The following DPYSL5 variants were observed in gnomAD, a reference collection of about 807,000 sequenced individuals.
DPYSL5 encodes dihydropyrimidinase like 5, also known as dihydropyrimidinase-related protein 5.
In DPYSL5, 9 loss-of-function variants were observed where a neutral mutation model predicts 58.4. That is an observed-to-expected ratio of 0.15 (90% CI 0.09 to 0.27). The LOEUF (loss-of-function observed/expected upper bound fraction) is 0.27, where lower values mean the gene tolerates loss of function less well. Ranked by LOEUF, DPYSL5 falls within the 10% of genes least tolerant of loss-of-function variation. DPYSL5 has a pLI of 1.00. For missense variants in DPYSL5, 499 were observed against 770.6 expected, an observed-to-expected ratio of 0.65 and a Z score of 4.17; for synonymous variants, 293 against 301.9, an observed-to-expected ratio of 0.97 and a Z score of 0.31.
chr2:26,898,674 A>G lies in DPYSL5; in HGVS notation c.175A>G (p.Ile59Val), dbSNP rs373590630. 6 of 1,614,024 alleles carry G rather than the reference A, an allele frequency of 3.7e-6. No individual in the cohort carries two copies. Among genetic ancestry groups the G allele is most frequent in the African/African-American group, 2.7e-5 (2 of 74,914 alleles). ...GATTGATGCCACAGGAAAACTGGTG[A>G]TCCCTGGTGGCATCGACACCAGCAC... ...KVIDATGKLV[I>V]PGGIDTSTHF... The change falls in exon 2 of 13, where the codon ATC (isoleucine) becomes GTC (valine). Residue 59 changes from isoleucine (I) to valine (V), a missense_variant. Coordinates refer to ENST00000288699, the MANE Select transcript of DPYSL5 (RefSeq NM_020134.4). The surrounding 1 kb of genome is among the most constrained non-coding windows in gnomAD (Gnocchi z 6.1).
intron 2 of DPYSL5, among the ~76,000 whole-genome samples, chr2:26,920,690 G>A (rs1046863473): frequency 7.2e-5 from 11 of 152,166 alleles, no homozygotes; most frequent in Non-Finnish European, 1.3e-4. Context: ...ACTTGAACTC[G>A]GGAGGCGGAG....
At chr2:26,904,952 CCCAGGGCCAGTTGGA>C (rs1664253385) in intron 2 of DPYSL5, among the ~76,000 whole-genome samples, 2 of 152,174 alleles carry the variant, frequency 1.3e-5, no homozygotes, top group Admixed American at 1.3e-4. Context: ...TAGCCCACAT[CCCAGGGCCAGTTGGA>C]CCAGAAGGCA....
chr2:26,921,325 C>G (rs913262123), intron 2 of DPYSL5, among the ~76,000 whole-genome samples: 1 of 152,194 alleles, frequency 6.6e-6, no homozygotes, highest in Non-Finnish European at 1.5e-5. Context: ...CATGGTGAAA[C>G]CCCGTCTCTA....
At chr2:26,940,270 G>A in intron 9 of DPYSL5, 98 bp downstream of exon 9, 1 of 1,417,346 alleles carries the variant, frequency 7.1e-7, no homozygotes, top group Non-Finnish European at 9.4e-7. Context: ...CTCAGATCCT[G>A]TCAAAGAATG....
chr2:26,938,081 A>T (rs1416215630), intron 8 of DPYSL5, among the ~76,000 whole-genome samples: 1 of 152,210 alleles, frequency 6.6e-6, no homozygotes, highest in Non-Finnish European at 1.5e-5. Context: ...TAGCAAAGCC[A>T]GTCATGTTTT....
intron 3 of DPYSL5, among the ~76,000 whole-genome samples, chr2:26,926,104 T>C (rs1234985530): frequency 6.6e-6 from 1 of 152,242 alleles, no homozygotes; most frequent in Non-Finnish European, 1.5e-5. Flanking sequence ...GGCCCTGGTA[T>C]AAAGGGCCTA....
intron 2 of DPYSL5, among the ~76,000 whole-genome samples, chr2:26,901,305 A>G (rs1030120742): frequency 1.3e-5 from 2 of 152,054 alleles, no homozygotes; most frequent in Non-Finnish European, 2.9e-5. Context: ...CAGCCCTCAC[A>G]TTAAGCCTCT....
chr2:26,932,492 G>C (rs1320840200), intron 6 of DPYSL5, among the ~76,000 whole-genome samples: 1 of 152,222 alleles, frequency 6.6e-6, no homozygotes, highest in Admixed American at 6.5e-5. Context: ...AACATCTGGG[G>C]AAACAGAATT....
At chr2:26,910,728 T>G (rs1011040936) in intron 2 of DPYSL5, among the ~76,000 whole-genome samples, 1 of 151,456 alleles carries the variant, frequency 6.6e-6, no homozygotes, top group Non-Finnish European at 1.5e-5. Flanking sequence ...GTGCTGGGAT[T>G]ACAGGTGTGA....
Position 26,934,463 on chromosome 2 carries a change from A to G in DPYSL5, c.791-115A>G, listed in dbSNP as rs747718379. The G allele has an allele frequency of 7.9e-7, 1 of 1,268,346 alleles. No individual in the cohort carries two copies. Among genetic ancestry groups the G allele is most frequent in the Non-Finnish European group, 1.1e-6 (1 of 922,050 alleles). 78.6% of individuals were successfully genotyped at this position (1,268,346 alleles called of 1,614,324 possible). A position where few individuals can be genotyped will look rare whatever the true frequency, so the allele number is the denominator to read the frequency against. Reference sequence around the variant, plus strand: ...TCTTAAAAGCCCTGTGAGCTTGGGCAGGTCCCTTCCTGTCTCTGACCTCAG... The same window carrying G: ...TCTTAAAAGCCCTGTGAGCTTGGGCGGGTCCCTTCCTGTCTCTGACCTCAG... On this transcript the variant is annotated intron_variant, in intron 7 of 12. Transcript: ENST00000288699. This position sits in a 1 kb window ranked among gnomAD's most constrained non-coding sequence, Gnocchi z 4.3.
intron 8 of DPYSL5, among the ~76,000 whole-genome samples, chr2:26,935,691 C>A (rs80136798): frequency 2.1e-4 from 26 of 122,664 alleles, no homozygotes; most frequent in African/African-American, 4.5e-4. Flanking sequence ...GACTCCATCT[C>A]AAAAAAAAAA....
chr2:26,857,539 CAA>C (rs1229107037), intron 1 of DPYSL5, among the ~76,000 whole-genome samples: 8 of 102,658 alleles, frequency 7.8e-5, no homozygotes, highest in Admixed American at 1.0e-4. Flanking sequence ...GATTCTGTCT[CAA>C]AAAAAAAAAA....
intron 1 of DPYSL5, among the ~76,000 whole-genome samples, chr2:26,880,283 C>T (rs1174318422): frequency 2.0e-5 from 3 of 152,244 alleles, no homozygotes; most frequent in African/African-American, 7.2e-5. Context: ...TCTGCTCCTT[C>T]CTTTTCTGTT....
chr2:26,871,099 G>A (rs909297884), intron 1 of DPYSL5, among the ~76,000 whole-genome samples: 7 of 152,120 alleles, frequency 4.6e-5, no homozygotes, highest in Non-Finnish European at 8.8e-5. Flanking sequence ...GTTCTTGTAC[G>A]GCCTGGTGAG....
chr2:26,932,446 A>G (rs1665058495), intron 6 of DPYSL5, among the ~76,000 whole-genome samples: 1 of 152,244 alleles, frequency 6.6e-6, no homozygotes, highest in Non-Finnish European at 1.5e-5. Flanking sequence ...CCTAAACTCT[A>G]CATCCTCCTA....
intron 1 of DPYSL5, among the ~76,000 whole-genome samples, chr2:26,896,124 A>G (rs1235709637): frequency 6.6e-6 from 1 of 151,992 alleles, no homozygotes; most frequent in Non-Finnish European, 1.5e-5. Flanking sequence ...TCCACGTAGG[A>G]GTGAGAGCAT....
In DPYSL5 at chr2:26,924,934, C is replaced by A; in HGVS notation, c.309C>A (p.Pro103=). The change falls in exon 3 of 13, where the codon CCC becomes CCA. Residue 103 remains proline, a synonymous_variant. Transcript: ENST00000288699. The surrounding 1 kb of genome is among the most constrained non-coding windows in gnomAD (Gnocchi z 4.7). ...CCATGATCATCGGCCACGTCCTGCC[C>A]GACAAGGAGACCTCCCTTGTGGACG... The part of the protein sequence containing the change: ...GTTMIIGHVL[P]DKETSLVDAY... The A allele has an allele frequency of 1.2e-6, 2 of 1,614,136 alleles. No homozygotes were observed. Among genetic ancestry groups the A allele is most frequent in the Non-Finnish European group, 8.5e-7 (1 of 1,180,020 alleles).
chr2:26,932,212 G>GAAAGA (rs1553321176), intron 6 of DPYSL5, among the ~76,000 whole-genome samples: 1,593 of 57,966 alleles, frequency 0.027, 43 homozygotes, highest in East Asian at 0.055. Flanking sequence ...AGAAAGAAAA[G>GAAAGA]AAAGAAAGAA....
At chr2:26,899,211 G>C (rs909784911) in intron 2 of DPYSL5, among the ~76,000 whole-genome samples, 1 of 152,100 alleles carries the variant, frequency 6.6e-6, no homozygotes, top group South Asian at 2.1e-4. Flanking sequence ...ACCTCTCCTA[G>C]CTTGCTTGTT....
Sources: allele counts gnomAD v4.1 joint callset (sites outside exome capture counted in the v4.1 genomes callset), GRCh38; gene constraint gnomAD v4.1.1; non-coding constraint Gnocchi (gnomAD v3.1); transcripts MANE v1.5; gene names NCBI Gene and HGNC (gene_info 2026-07-23, HGNC 2026-07-21).